GREM2: variants seen among roughly 807,000 people sequenced by gnomAD.
GREM2 encodes gremlin 2, DAN family BMP antagonist.
Under a neutral mutation model 14.2 loss-of-function variants are expected in GREM2, and 11 were observed. That is an observed-to-expected ratio of 0.78 (90% confidence interval 0.49 to 1.28). The LOEUF (loss-of-function observed/expected upper bound fraction) is 1.28. GREM2 is among the 50% of genes most tolerant of loss of function. The pLI is 0.00. For synonymous variants in GREM2, 98 were observed against 97.6 expected (o/e 1.00, Z -0.02); for missense variants, 210 against 218.5 (o/e 0.96, Z 0.24).
rs1418467447 is a variant in GREM2, at chr1:240,542,408, C to T, written c.-1-48932G>A. Among the ~76,000 whole-genome samples, 1 of 149,712 alleles carries T rather than the reference C, an allele frequency of 6.7e-6. No individual in the cohort carries two copies. The highest frequency in any genetic ancestry group is 1.5e-5 in the Non-Finnish European group (1 of 67,658). Reference sequence around the variant, plus strand: ...TCACTTGCGGCCAGGAGTTCGAGACCAGCCTGGCCAACATGGCGAAACCCC... The same window carrying T: ...TCACTTGCGGCCAGGAGTTCGAGACTAGCCTGGCCAACATGGCGAAACCCC... On this transcript the variant is annotated intron_variant, in intron 1 of 1. Transcript: ENST00000318160. This position sits in a 1 kb window ranked among gnomAD's most constrained non-coding sequence, Gnocchi z 4.1.
chr1:240,587,767 T>C (rs6671427), intron 1 of GREM2, among the ~76,000 whole-genome samples: 17,112 of 152,244 alleles, frequency 0.11, 2,150 homozygotes, highest in African/African-American at 0.31. Flanking sequence ...GCCATGCAGA[T>C]AGACTACACA....
At chr1:240,592,718 C>T (rs1679735673) in intron 1 of GREM2, among the ~76,000 whole-genome samples, 1 of 152,214 alleles carries the variant, frequency 6.6e-6, no homozygotes, top group Non-Finnish European at 1.5e-5. Context: ...AGGTCCATCA[C>T]TGCCCCTTAC....
intron 1 of GREM2, among the ~76,000 whole-genome samples, chr1:240,510,991 C>G (rs1677812392): frequency 1.3e-5 from 2 of 152,310 alleles, no homozygotes; most frequent in African/African-American, 4.8e-5. Flanking sequence ...ATGACAACTA[C>G]AAGTAACTTT....
chr1:240,567,765 T>G (rs1274286578), intron 1 of GREM2, among the ~76,000 whole-genome samples: 3 of 152,296 alleles, frequency 2.0e-5, no homozygotes, highest in African/African-American at 7.2e-5. Flanking sequence ...TATAGAAGAC[T>G]TTTTTCTTAT....
At chr1:240,606,742 G>C (rs559903390) in intron 1 of GREM2, among the ~76,000 whole-genome samples, 5 of 149,734 alleles carry the variant, frequency 3.3e-5, no homozygotes, top group South Asian at 4.2e-4. Context: ...GCAGTGGCGC[G>C]ATCTCAGCTC....
chr1:240,573,144 G>GA (rs770703497), intron 1 of GREM2, among the ~76,000 whole-genome samples: 126 of 149,044 alleles, frequency 8.5e-4, no homozygotes, highest in Non-Finnish European at 1.3e-3. Context: ...AAATCAATTT[G>GA]AAAAAAAAAA....
chr1:240,591,626 G>A (rs530906785), intron 1 of GREM2, among the ~76,000 whole-genome samples: 1 of 152,226 alleles, frequency 6.6e-6, no homozygotes, highest in South Asian at 2.1e-4. Context: ...TAAGTGCTAG[G>A]CTTGGTAATT....
intron 1 of GREM2, among the ~76,000 whole-genome samples, chr1:240,517,533 A>G (rs543402717): frequency 2.7e-4 from 41 of 152,358 alleles, no homozygotes; most frequent in South Asian, 6.2e-4. Flanking sequence ...TTGTGATGCT[A>G]TGATAAACCA....
At chr1:240,563,148 AGT>A (rs1256674800) in intron 1 of GREM2, among the ~76,000 whole-genome samples, 1 of 121,696 alleles carries the variant, frequency 8.2e-6, no homozygotes, top group Admixed American at 7.6e-5. Flanking sequence ...TGTGTGTGTG[AGT>A]GTGTATGTGT....
chr1:240,547,532 TATAG>T (rs1553275861), intron 1 of GREM2, among the ~76,000 whole-genome samples: 1 of 121,874 alleles, frequency 8.2e-6, no homozygotes, highest in Non-Finnish European at 1.6e-5. Flanking sequence ...TATATATATA[TATAG>T]ATAGATAGAT....
intron 1 of GREM2, among the ~76,000 whole-genome samples, chr1:240,555,559 T>C (rs1678940266): frequency 6.6e-6 from 1 of 152,234 alleles, no homozygotes; most frequent in Non-Finnish European, 1.5e-5. Flanking sequence ...AGTATAGCAG[T>C]GTTCGGTGTG....
intron 1 of GREM2, among the ~76,000 whole-genome samples, chr1:240,569,774 C>G (rs1425028787): frequency 6.6e-6 from 1 of 151,960 alleles, no homozygotes; most frequent in Non-Finnish European, 1.5e-5. Flanking sequence ...GGTTTGCGAC[C>G]CTGTGTTAGG....
intron 1 of GREM2, among the ~76,000 whole-genome samples, chr1:240,578,892 G>A (rs1042048099): frequency 1.3e-5 from 2 of 152,170 alleles, no homozygotes; most frequent in South Asian, 4.1e-4. Context: ...GCCGAGATTG[G>A]GAATCTGCAT....
At position 240,596,713 on chromosome 1, in the gene GREM2, A is replaced by G. The variant is rs1409242524; in HGVS notation, c.-2+15171T>C. Among the ~76,000 whole-genome samples the G allele has an allele frequency of 2.0e-5, 3 of 151,856 alleles. No individual in the cohort carries two copies. In the East Asian group the frequency reaches 5.8e-4, roughly 29 times the overall value. ...CTCTGTCAAAAAAAAAAAAACACAC[A>G]AGGTGACTCAATCTATTTCTAATGC... On this transcript the variant is annotated intron_variant, in intron 1 of 1. Transcript: ENST00000318160.
chr1:240,608,595 G>A (rs149507777), intron 1 of GREM2, among the ~76,000 whole-genome samples: 9 of 152,298 alleles, frequency 5.9e-5, no homozygotes, highest in Non-Finnish European at 1.2e-4. Flanking sequence ...TGTTCTAGAC[G>A]AAGTCAACTT....
intron 1 of GREM2, 68 bp from the exon 2 acceptor site, chr1:240,493,544 T>TA (rs1041897031): frequency 7.0e-7 from 1 of 1,435,074 alleles, no homozygotes; most frequent in African/African-American, 1.4e-5. Flanking sequence ...CTTACTTATT[T>TA]TTTTTTTTAT....
At chr1:240,500,869 G>A (rs1033815449) in intron 1 of GREM2, among the ~76,000 whole-genome samples, 2 of 152,112 alleles carry the variant, frequency 1.3e-5, no homozygotes, top group East Asian at 1.9e-4. Context: ...AGGAGGCACC[G>A]GGCGGTGGAA....
At position 240,531,742 on chromosome 1, in the gene GREM2, C is replaced by T. The variant is rs1287266154; in HGVS notation, c.-1-38266G>A. 6.4e-6 allele frequency: 6 copies of T among 940,334 alleles called. No homozygotes were observed. The African/African-American group carries it at 9.1e-5, about 14-fold the overall frequency. 58.2% of individuals were successfully genotyped at this position (940,334 alleles called of 1,614,324 possible). ...TTTTTTTTTTTGAGACAGTTTTGCTCTTGTTGCCCAGACTGGAGAGCAATG... is the reference window on the plus strand; with the variant it reads ...TTTTTTTTTTTGAGACAGTTTTGCTTTTGTTGCCCAGACTGGAGAGCAATG... On this transcript the variant is annotated intron_variant, in intron 1 of 1. Transcript: ENST00000318160.
chr1:240,520,082 A>AAAAATAAATAAAATAAAAT lies in GREM2; in HGVS notation c.-1-26607_-1-26606insATTTTATTTTATTTATTTT, dbSNP rs372597418. ...GCAACAAGAGCAAAACTCCATCCCA[A>AAAAATAAATAAAATAAAAT]AAAATAAAATAAAATAAAATAAAAT... On this transcript the variant is annotated intron_variant, in intron 1 of 1. Transcript: ENST00000318160. Among the ~76,000 whole-genome samples, 33 of 144,334 alleles carry AAAAATAAATAAAATAAAAT rather than the reference A, an allele frequency of 2.3e-4. No homozygotes were observed. The East Asian group carries it at 5.7e-3, about 25-fold the overall frequency. 94.7% of individuals were successfully genotyped at this position (144,334 alleles called of 152,430 possible).
Sources: gnomAD v4.1 joint callset for allele counts (sites outside exome capture counted in the v4.1 genomes callset) on GRCh38, gnomAD v4.1.1 for gene constraint, Gnocchi (gnomAD v3.1) non-coding constraint, MANE v1.5 for transcripts, NCBI Gene and HGNC (gene_info 2026-07-23, HGNC 2026-07-21) for gene names.